The following BNC1 variants were observed in gnomAD, a reference collection of about 807,000 sequenced individuals.
The protein encoded by BNC1 is basonuclin zinc finger protein 1, also known as zinc finger protein basonuclin-1.
Under a neutral mutation model 66.5 loss-of-function variants are expected in BNC1, and 8 were observed. That is an observed-to-expected ratio of 0.12 (90% CI 0.07 to 0.22). The LOEUF (loss-of-function observed/expected upper bound fraction) is 0.22. Among genes scored for constraint, BNC1 ranks in the 10% least tolerant of loss-of-function variants. The pLI, the probability that BNC1 is intolerant of heterozygous loss-of-function variation, is 1.00. For missense variants in BNC1, 1,069 were observed against 1,241.3 expected, an observed-to-expected ratio of 0.86 and a Z score of 2.09; for synonymous variants, 454 against 452.6, an observed-to-expected ratio of 1.00 and a Z score of -0.04.
At chr15:83,283,556 C>T in intron 1 of BNC1, 4 of 972,636 alleles carry the variant, frequency 4.1e-6, no homozygotes, top group Non-Finnish European at 4.9e-6. Flanking sequence ...CGGGGGCTTC[C>T]CGTCCCGGCG....
At chr15:83,275,491 CAA>C (rs35785505) in intron 1 of BNC1, among the ~76,000 whole-genome samples, 5 of 82,972 alleles carry the variant, frequency 6.0e-5, no homozygotes, top group Non-Finnish European at 5.0e-5. Context: ...GACTCCATCT[CAA>C]AAAAAAAAAA....
Position 83,257,865 on chromosome 15 carries a change from G to A in BNC1, c.2562C>T (p.Thr854=). The A allele has an allele frequency of 6.2e-7, 1 of 1,614,184 alleles. No homozygotes were observed. The change falls in exon 5 of 5, where the codon ACC becomes ACT. Residue 854 remains threonine (T), a synonymous_variant. Coordinates refer to ENST00000345382, the MANE Select transcript of BNC1 (RefSeq NM_001717.4). ...TCGAGGTAGTGCTCAAATCCAGGAT[G>A]GTGCCCTCGCTCAAGGGGCCAGAGT... ...SYNSGPLSEG[T]ILDLSTTSSM...
At chr15:83,266,490 A>T (rs1386257840) in intron 3 of BNC1, among the ~76,000 whole-genome samples, 2 of 152,244 alleles carry the variant, frequency 1.3e-5, no homozygotes, top group African/African-American at 4.8e-5. Flanking sequence ...AACTCTCAGT[A>T]AAATCTGATA....
intron 1 of BNC1, among the ~76,000 whole-genome samples, chr15:83,283,660 G>T (rs555627248): frequency 5.1e-4 from 78 of 152,318 alleles, no homozygotes; most frequent in African/African-American, 1.8e-3. Flanking sequence ...ACCTCGGAGC[G>T]GCGGACGCGG....
intron 3 of BNC1, among the ~76,000 whole-genome samples, chr15:83,266,281 T>TAC (rs561104661): frequency 0.011 from 1,684 of 147,606 alleles, 29 homozygotes; most frequent in African/African-American, 0.034. Flanking sequence ...GAGGGAGACA[T>TAC]ACACACACAC....
At chr15:83,278,520 T>C (rs900901791) in intron 1 of BNC1, among the ~76,000 whole-genome samples, 1 of 152,212 alleles carries the variant, frequency 6.6e-6, no homozygotes, top group African/African-American at 2.4e-5. Context: ...TTGGCCACTT[T>C]TAGAAAATGC....
intron 3 of BNC1, 30 bp downstream of exon 3, chr15:83,266,806 C>G (rs1256197342): frequency 3.8e-6 from 6 of 1,599,214 alleles, no homozygotes; most frequent in Non-Finnish European, 2.6e-6. Context: ...AGAAAGCACC[C>G]TAGGAGGACA....
Position 83,260,578 on chromosome 15 carries a change from G to A in BNC1, c.2300+2373C>T, listed in dbSNP as rs144846641. Among the ~76,000 whole-genome samples the A allele has an allele frequency of 2.6e-5, 4 of 152,262 alleles. No homozygotes were observed. In the East Asian group the frequency reaches 5.8e-4, roughly 22 times the overall value. The stretch of plus-strand genomic sequence containing the variant: ...CACAACAGCCTACATTTCCTTCACT[G>A]CAGAAGTAATCACATTCAACTGTAA... On this transcript the variant is annotated intron_variant, in intron 4 of 4. Coordinates refer to ENST00000345382, the MANE Select transcript of BNC1 (RefSeq NM_001717.4).
At chr15:83,275,474 C>A (rs1053652998) in intron 1 of BNC1, among the ~76,000 whole-genome samples, 1 of 139,050 alleles carries the variant, frequency 7.2e-6, no homozygotes, top group South Asian at 2.2e-4. Context: ...CCAGCCTGGG[C>A]GACAGAGACT....
chr15:83,279,015 G>T (rs2038353550), intron 1 of BNC1, among the ~76,000 whole-genome samples: 1 of 152,152 alleles, frequency 6.6e-6, no homozygotes, highest in Non-Finnish European at 1.5e-5. Flanking sequence ...ATCCTGATTT[G>T]AAGAAACCAA....
chr15:83,284,603 C>T lies in BNC1; in HGVS notation c.26G>A (p.Gly9Asp), dbSNP rs1210631264. Residue 9 changes from glycine (G) to aspartate (D), a missense_variant, in exon 1 of 5, where the codon GGC becomes GAC. Around this residue, in one of 7 missense-constraint regions of BNC1, gnomAD observed 78 missense variants for 80.9 expected, o/e 0.96. Transcript: ENST00000345382. ...CCGGGCCCGGGCCGCCCCGCGTCCG[C>T]CCCGGCTCGGCGGGCGCCGCCGCAT... MRRRPPSR[G>D]GRGAARARET... 24 of 1,014,040 alleles carry T rather than the reference C, an allele frequency of 2.4e-5. No individual in the cohort carries two copies. The highest frequency in any genetic ancestry group is 2.8e-5 in the Non-Finnish European group (24 of 850,722). 62.8% of individuals were successfully genotyped at this position (1,014,040 alleles called of 1,614,324 possible). A position where few individuals can be genotyped will look rare whatever the true frequency, so the allele number is the denominator to read the frequency against.
rs1385518957 is a variant in BNC1, at chr15:83,284,652, G to A, written c.-24C>T. ...ATCCACGCTCCGGCCGTCGGGGCGC[G>A]ACCCGGCGAAGTGGGCGGCTCCCCA... On this transcript the variant is annotated 5_prime_UTR_variant, in exon 1 of 5. Transcript: ENST00000345382. 1 of 979,256 alleles carries A rather than the reference G, an allele frequency of 1.0e-6. No homozygotes were observed. Among genetic ancestry groups the A allele is most frequent in the African/African-American group, 1.8e-5 (1 of 56,682 alleles). 60.7% of individuals were successfully genotyped at this position (979,256 alleles called of 1,614,324 possible). A position where few individuals can be genotyped will look rare whatever the true frequency, so the allele number is the denominator to read the frequency against.
At chr15:83,262,875 C>T in intron 4 of BNC1, 76 bp downstream of exon 4, 3 of 1,402,908 alleles carry the variant, frequency 2.1e-6, no homozygotes, top group African/African-American at 1.4e-5. Flanking sequence ...TTTAACAATT[C>T]TCCGGGTGAT....
At chr15:83,278,942 G>C (rs1422471911) in intron 1 of BNC1, among the ~76,000 whole-genome samples, 1 of 152,018 alleles carries the variant, frequency 6.6e-6, no homozygotes, top group Non-Finnish European at 1.5e-5. Context: ...CAAATAAATT[G>C]CAAGGAAAAA....
In BNC1 at chr15:83,264,692, C is replaced by G; in HGVS notation, c.559G>C (p.Glu187Gln). 1 of 1,614,168 alleles carries G rather than the reference C, an allele frequency of 6.2e-7. No individual in the cohort carries two copies. Residue 187 changes from glutamate to glutamine, a missense_variant, in exon 4 of 5, where the codon GAG (glutamate) becomes CAG (glutamine). Physicochemically the swap from Glu to Gln is conservative, Grantham distance 29. Transcript: ENST00000345382. The stretch of plus-strand genomic sequence containing the variant: ...ATGATGATGGATTGCTCTTCTTTCT[C>G]TTGAATTGCCATGAGTTCAACTATA... The part of the protein sequence containing the change: ...KSIVELMAIQ[E>Q]KEEQSIIIPP...
rs1230765578 is a variant in BNC1, at chr15:83,257,922, C to A, written c.2505G>T (p.Thr835=). 2 of 1,614,134 alleles carry A rather than the reference C, an allele frequency of 1.2e-6. No individual in the cohort carries two copies. The highest frequency in any genetic ancestry group is 1.7e-6 in the Non-Finnish European group (2 of 1,180,012). The change falls in exon 5 of 5, where the codon ACG becomes ACT. Residue 835 remains threonine, a synonymous_variant. Coordinates refer to ENST00000345382, the MANE Select transcript of BNC1 (RefSeq NM_001717.4). ...TCTCCAGGCTGGCACTGTGGACTTG[C>A]GTTATTGGGTAAACCAGACTGCCCA... is the stretch of plus-strand genomic sequence containing the variant. ...SRMGSLVYPI[T]QVHSASLESY... is the part of the protein sequence containing the mutation.
Position 83,257,248 on chromosome 15 carries a change from AG to A in BNC1, c.*193del. Reference sequence around the variant, plus strand: ...GACCTCTTGGGCTAAGAAAAATAATAGGAAGGGCTGCCCCAGTGTCATCTTC... The same window carrying A: ...GACCTCTTGGGCTAAGAAAAATAATAGAAGGGCTGCCCCAGTGTCATCTTC... On this transcript the variant is annotated 3_prime_UTR_variant, in exon 5 of 5. Coordinates refer to ENST00000345382, the MANE Select transcript of BNC1 (RefSeq NM_001717.4). 3.1e-6 allele frequency: 2 copies of A among 636,714 alleles called. No homozygotes were observed. The highest frequency in any genetic ancestry group is 4.3e-5 in the South Asian group (2 of 46,542). 39.4% of individuals were successfully genotyped at this position (636,714 alleles called of 1,614,324 possible). A position where few individuals can be genotyped will look rare whatever the true frequency, so the allele number is the denominator to read the frequency against.
At chr15:83,274,760 AATT>A (rs1265238647) in intron 1 of BNC1, among the ~76,000 whole-genome samples, 2 of 152,156 alleles carry the variant, frequency 1.3e-5, no homozygotes, top group Non-Finnish European at 2.9e-5. Flanking sequence ...AGTGTACAAG[AATT>A]ATTTCATTTC....
chr15:83,266,050 T>C (rs2038214280), intron 3 of BNC1, among the ~76,000 whole-genome samples: 1 of 152,180 alleles, frequency 6.6e-6, no homozygotes, highest in South Asian at 2.1e-4. Context: ...AAAGGAATGA[T>C]GCTTCATCTC....
Sources: gnomAD v4.1 joint callset for allele counts (sites outside exome capture counted in the v4.1 genomes callset) on GRCh38, gnomAD v4.1.1 for gene constraint, gnomAD v4.1.1 regional missense constraint, MANE v1.5 for transcripts, NCBI Gene and HGNC (gene_info 2026-07-23, HGNC 2026-07-21) for gene names.